AGBL2: variants seen among roughly 807,000 people sequenced by gnomAD.
AGBL2 encodes the protein cytosolic carboxypeptidase 2.
Under a neutral mutation model 103.0 loss-of-function variants are expected in AGBL2, and 87 were observed. That is an observed-to-expected ratio of 0.84 (90% CI 0.71 to 1.01). The LOEUF is 1.01. Among genes scored for constraint, AGBL2 ranks in the 50% least tolerant of loss-of-function variants. AGBL2 has a pLI of 0.00. For missense variants in AGBL2, 904 were observed against 1,023.5 expected (o/e 0.88, Z 1.59); for synonymous variants, 335 against 356.7 (o/e 0.94, Z 0.69).
At chr11:47,714,917 T>C in intron 1 of AGBL2, 167 bp from the exon 2 acceptor site, 1 of 488,022 alleles carries the variant, frequency 2.0e-6, no homozygotes, top group South Asian at 2.2e-5. Context: ...GCAGCGTATC[T>C]TCCCGCTTCT....
In AGBL2 at chr11:47,667,595, C is replaced by T; in HGVS notation, c.2316G>A (p.Lys772=). 6.2e-7 allele frequency: 1 copy of T among 1,614,046 alleles called. No individual in the cohort carries two copies. Residue 772 remains lysine, a synonymous_variant, in exon 16 of 19, where the codon AAG becomes AAA. Transcript: ENST00000525123. ...EQYQKKNLMQ[K]LKLTEDTSEK... is the part of the protein sequence containing the mutation. Reference sequence around the variant, plus strand: ...CTGAGGTATCTTCTGTTAACTTTAACTTCTGCATCAAATTTTTTTTCTGAT... The same window carrying T: ...CTGAGGTATCTTCTGTTAACTTTAATTTCTGCATCAAATTTTTTTTCTGAT...
In AGBL2 at chr11:47,660,186, T is replaced by A; in HGVS notation, c.2696A>T (p.Tyr899Phe). ...AMAAYPSLHI[Y>F]TYP ...GCCCAGGCTCACCTACGGGTATGTG[T>A]ATATGTGCAAGGATGGGTATGCCGC... is the stretch of plus-strand genomic sequence containing the variant. Residue 899 changes from tyrosine (Y) to phenylalanine (F), a missense_variant, in exon 19 of 19, where the codon TAC (tyrosine) becomes TTC (phenylalanine). By Grantham distance (22) the Tyr-to-Phe change is conservative. Transcript: ENST00000525123. The A allele has an allele frequency of 6.2e-7, 1 of 1,613,788 alleles. No individual in the cohort carries two copies. The highest frequency in any genetic ancestry group is 2.2e-5 in the East Asian group (1 of 44,880).
intron 14 of AGBL2, among the ~76,000 whole-genome samples, chr11:47,672,027 A>G (rs1020700902): frequency 2.0e-5 from 3 of 152,146 alleles, no homozygotes; most frequent in Non-Finnish European, 4.4e-5. Flanking sequence ...ATTCTTAACC[A>G]TATGCATCAG....
At chr11:47,677,182 A>AT (rs940389381) in intron 14 of AGBL2, 89 bp downstream of exon 14, 8 of 1,148,270 alleles carry the variant, frequency 7.0e-6, no homozygotes, top group African/African-American at 1.6e-5. Flanking sequence ...TAATTTTTGT[A>AT]TTTTTTGTAG....
rs537534743 is a variant in AGBL2, at chr11:47,674,474, G to T, written c.2147+2797C>A. ...CCCAGCTACTTGAGGGGCTGAGGCA[G>T]GAGAATTGCTTGAACCTGGGAAGCG... On this transcript the variant is annotated intron_variant, in intron 14 of 18. Coordinates refer to ENST00000525123, the MANE Select transcript of AGBL2 (RefSeq NM_024783.4). Among the ~76,000 whole-genome samples, 4 of 151,676 alleles carry T rather than the reference G, an allele frequency of 2.6e-5. No homozygotes were observed. In the South Asian group the frequency reaches 6.3e-4, roughly 24 times the overall value.
Sources: allele counts gnomAD v4.1 joint callset (sites outside exome capture counted in the v4.1 genomes callset), GRCh38; gene constraint gnomAD v4.1.1; transcripts MANE v1.5; gene names NCBI Gene and HGNC (gene_info 2026-07-23, HGNC 2026-07-21).